The following DHX8 variants were observed in gnomAD, a reference collection of about 807,000 sequenced individuals.
DHX8 encodes DEAH-box helicase 8.
In DHX8, 67 loss-of-function variants were observed where a neutral mutation model predicts 140.7. The ratio of observed to expected loss-of-function variants is 0.48; its 90% CI spans 0.39 to 0.58. The LOEUF (loss-of-function observed/expected upper bound fraction) is 0.58, where lower values mean the gene tolerates loss of function less well. Ranked by LOEUF, DHX8 falls within the 20% of genes least tolerant of loss-of-function variation. The probability of loss-of-function intolerance (pLI) is 0.00; values close to 1 mark genes in which losing one functional copy is unlikely to be tolerated. For synonymous variants in DHX8, 533 were observed against 553.2 expected (o/e 0.96, Z 0.51); for missense variants, 887 against 1,550.7 (o/e 0.57, Z 7.19).
At position 43,507,970 on chromosome 17, in the gene DHX8, G is replaced by C; in HGVS notation, c.2271G>C (p.Leu757=). Residue 757 remains leucine (L), a synonymous_variant, in exon 15 of 23, where the codon CTG becomes CTC. Transcript: ENST00000262415. The part of the protein sequence containing the change: ...LYTKEPETDY[L]DASLITVMQI... ...CAAAGGAACCTGAGACAGATTATCT[G>C]GATGCCAGCCTGATTACTGTTATGC... 6.2e-7 allele frequency: 1 copy of C among 1,614,132 alleles called. No homozygotes were observed. The highest frequency in any genetic ancestry group is 8.5e-7 in the Non-Finnish European group (1 of 1,180,022).
chr17:43,505,063 C>G (rs1357205561), intron 12 of DHX8, among the ~76,000 whole-genome samples: 1 of 151,830 alleles, frequency 6.6e-6, no homozygotes, highest in East Asian at 1.9e-4. Flanking sequence ...ATCACTTGAG[C>G]CTAGGAGTTT....
At chr17:43,530,339 G>C, downstream of DHX8, 1 of 1,478,402 alleles carries the variant, frequency 6.8e-7, no homozygotes, top group Non-Finnish European at 9.0e-7. Context: ...AAAATCCCAG[G>C]GAAAGTTCAC....
intron 18 of DHX8, 157 bp downstream of exon 18, chr17:43,517,479 C>T: frequency 1.2e-6 from 1 of 822,496 alleles, no homozygotes; most frequent in Non-Finnish European, 1.8e-6. Flanking sequence ...AACAGCCTCT[C>T]ACGGCAGGTC....
intron 3 of DHX8, chr17:43,536,501 G>A (rs1971250146): frequency 6.2e-7 from 1 of 1,613,650 alleles, no homozygotes; most frequent in Admixed American, 1.7e-5. Flanking sequence ...AGTCAGAGGT[G>A]AGTTTGGGGC....
chr17:43,522,076 A>T lies in DHX8; in HGVS notation c.3293A>T (p.Lys1098Met). 6.2e-6 allele frequency: 10 copies of T among 1,614,092 alleles called. No homozygotes were observed. The highest frequency in any genetic ancestry group is 8.5e-6 in the Non-Finnish European group (10 of 1,180,000). Residue 1098 changes from lysine (K) to methionine (M), a missense_variant, in exon 22 of 23, where the codon AAG becomes ATG. Physicochemically the swap from Lys to Met is moderately conservative, Grantham distance 95. Coordinates refer to ENST00000262415, the MANE Select transcript of DHX8 (RefSeq NM_004941.3). Reference sequence around the variant, plus strand: ...AAGCTGGATGTTGTTTCCTGTGGCAAGTCCACAGTCCGAGTGCAGAAGGCC... The same window carrying T: ...AAGCTGGATGTTGTTTCCTGTGGCATGTCCACAGTCCGAGTGCAGAAGGCC... Reference protein sequence around the residue: ...RHKLDVVSCGKSTVRVQKAIC... With the variant: ...RHKLDVVSCGMSTVRVQKAIC...
chr17:43,504,851 G>C, intron 12 of DHX8, 26 bp downstream of exon 12: 3 of 1,600,192 alleles, frequency 1.9e-6, no homozygotes, highest in Non-Finnish European at 2.6e-6. Context: ...TGATGTATTG[G>C]TGGGGAGTAG....
chr17:43,510,209 C>T (rs1255965245), intron 16 of DHX8, among the ~76,000 whole-genome samples: 2 of 151,834 alleles, frequency 1.3e-5, no homozygotes, highest in African/African-American at 2.4e-5. Flanking sequence ...CCACCACACC[C>T]GGCTAATTTT....
downstream of DHX8, chr17:43,529,046 G>T: frequency 8.4e-7 from 1 of 1,196,006 alleles, no homozygotes; most frequent in Non-Finnish European, 1.2e-6. Context: ...CTACAAAGTT[G>T]CTGAGAACTG....
At chr17:43,506,638 T>C (rs1969510192) in intron 12 of DHX8, among the ~76,000 whole-genome samples, 1 of 151,810 alleles carries the variant, frequency 6.6e-6, no homozygotes, top group African/African-American at 2.4e-5. Context: ...AAAAAAGCCT[T>C]TTTTTATGGG....
intron 1 of DHX8, among the ~76,000 whole-genome samples, chr17:43,486,520 A>T (rs1426405067): frequency 6.7e-6 from 1 of 149,738 alleles, no homozygotes; most frequent in African/African-American, 2.6e-5. Context: ...TTAAACTATA[A>T]ATTAATTTTT....
chr17:43,492,531 T>C lies in DHX8; in HGVS notation c.504-150T>C, dbSNP rs539225577. Reference sequence around the variant, plus strand: ...GTTTGTGGCTCAATTCTTTATTGGCTTATAGGGATGTCGTAGTTATTGAAA... The same window carrying C: ...GTTTGTGGCTCAATTCTTTATTGGCCTATAGGGATGTCGTAGTTATTGAAA... On this transcript the variant is annotated intron_variant, in intron 5 of 22. Transcript: ENST00000262415. 5.2e-5 allele frequency: 33 copies of C among 635,204 alleles called. No individual in the cohort carries two copies. The South Asian group carries it at 6.3e-4, about 12-fold the overall frequency. The allele number at this position is 635,204 out of a possible 1,614,324, so 39.3% of individuals were successfully genotyped here.
chr17:43,489,388 T>C (rs1433503322), intron 1 of DHX8, 61 bp from the exon 2 acceptor site: 1 of 1,166,278 alleles, frequency 8.6e-7, no homozygotes, highest in Non-Finnish European at 1.3e-6. Context: ...GTTTTCACCA[T>C]ACTTGAAACT....
chr17:43,531,684 G>C (rs1970945073), downstream of DHX8, among the ~76,000 whole-genome samples: 2 of 152,132 alleles, frequency 1.3e-5, no homozygotes, highest in South Asian at 4.1e-4. Flanking sequence ...CAAACAAACA[G>C]AGCAAGACTC....
chr17:43,511,477 A>T (rs1182203507), intron 16 of DHX8, among the ~76,000 whole-genome samples: 1 of 1,144 alleles, frequency 8.7e-4, no homozygotes, highest in Non-Finnish European at 2.6e-3. Context: ...TTTTTTTTTG[A>T]GACAGAGTCT....
In DHX8 at chr17:43,533,066, C is replaced by A. The variant is rs184737483; in HGVS notation, c.351-3346C>A. The A allele has an allele frequency of 1.6e-3, 2,467 of 1,498,214 alleles. 32 individuals are homozygous for A. Among genetic ancestry groups the A allele is most frequent in the East Asian group, 2.9e-3 (125 of 43,780 alleles). The allele number at this position is 1,498,214 out of a possible 1,614,324, so 92.8% of individuals were successfully genotyped here. ...GTAGGGGGTTGGGGTGTCAGTATTT[C>A]TCCCTTTCTATTCCACTGCCCCCTG... On this transcript the variant is annotated intron_variant, in intron 2 of 3. Coordinates refer to the DHX8 transcript ENST00000589898.
intron 1 of DHX8, among the ~76,000 whole-genome samples, chr17:43,485,056 G>A (rs1968055668): frequency 6.6e-6 from 1 of 152,216 alleles, no homozygotes; most frequent in Non-Finnish European, 1.5e-5. Flanking sequence ...GACAGATGGA[G>A]CCTTTATGAA....
In DHX8 at chr17:43,484,035, G is replaced by T. The variant is rs374902887; in HGVS notation, c.-3G>T. 210 of 1,613,984 alleles carry T rather than the reference G, an allele frequency of 1.3e-4. No individual in the cohort carries two copies. Among genetic ancestry groups the T allele is most frequent in the Non-Finnish European group, 1.7e-4 (203 of 1,179,948 alleles). On this transcript the variant is annotated 5_prime_UTR_variant, in exon 1 of 23. Transcript: ENST00000262415. ...GGAAGGAGGTTCTGGGCAAGCTATA[G>T]CCATGGCTGTGGCTGTAGCCATGGC...
intron 16 of DHX8, among the ~76,000 whole-genome samples, chr17:43,511,165 A>G (rs1169605984): frequency 6.6e-6 from 1 of 152,094 alleles, no homozygotes; most frequent in South Asian, 2.1e-4. Flanking sequence ...CCCTGTCTCT[A>G]CTAAAAATAC....
rs943735457 is a variant in DHX8 at position 43,525,527 on chromosome 17, G to C, written c.*1680G>C. The C allele has an allele frequency of 2.0e-6, 2 of 985,302 alleles. No individual in the cohort carries two copies. Among genetic ancestry groups the C allele is most frequent in the Non-Finnish European group, 2.4e-6 (2 of 829,982 alleles). 61.0% of individuals were successfully genotyped at this position (985,302 alleles called of 1,614,324 possible). A position where few individuals can be genotyped will look rare whatever the true frequency, so the allele number is the denominator to read the frequency against. ...GCCCAGGCCAGTAATCAAGGGGCAG[G>C]GCATTGTTGTGTGTTAACCTTGAAG... On this transcript the variant is annotated 3_prime_UTR_variant, in exon 23 of 23. Transcript: ENST00000262415.
Sources: allele counts gnomAD v4.1 joint callset (sites outside exome capture counted in the v4.1 genomes callset), GRCh38; gene constraint gnomAD v4.1.1; transcripts MANE v1.5; gene names NCBI Gene and HGNC (gene_info 2026-07-23, HGNC 2026-07-21).